The following NRXN1 variants were observed in gnomAD, a reference collection of about 807,000 sequenced individuals.
NRXN1 encodes the protein neurexin 1, also known as neurexin-1.
In NRXN1, 39 loss-of-function variants were observed where a neutral mutation model predicts 150.9. The observed-to-expected ratio is 0.26, with a 90% CI of 0.20 to 0.34. The LOEUF is 0.34. Ranked by LOEUF, NRXN1 falls within the 10% of genes least tolerant of loss-of-function variation. The probability of loss-of-function intolerance (pLI) is 1.00; values close to 1 mark genes in which losing one functional copy is unlikely to be tolerated. For missense variants in NRXN1, 1,815 were observed against 1,949.9 expected, an observed-to-expected ratio of 0.93 and a Z score of 1.30; for synonymous variants, 924 against 757.0, an observed-to-expected ratio of 1.22 and a Z score of -3.62.
intron 8 of NRXN1, among the ~76,000 whole-genome samples, chr2:50,606,380 A>C (rs551638756): frequency 1.8e-3 from 275 of 152,068 alleles, no homozygotes; most frequent in Admixed American, 3.1e-3. Context: ...CTTACAAGAA[A>C]TATCTAAAAC....
chr2:50,422,155 T>C (rs1001536562), intron 17 of NRXN1, among the ~76,000 whole-genome samples: 3 of 152,190 alleles, frequency 2.0e-5, no homozygotes, highest in African/African-American at 7.2e-5. Flanking sequence ...TAATTTCTAA[T>C]ACAATGCATT....
chr2:50,087,177 A>G (rs1698908237), intron 19 of NRXN1, among the ~76,000 whole-genome samples: 1 of 152,176 alleles, frequency 6.6e-6, no homozygotes, highest in African/African-American at 2.4e-5. Context: ...GCCAAATATG[A>G]TATGATAACT....
At chr2:50,529,067 T>C (rs2093032594) in intron 11 of NRXN1, 1 of 157,614 alleles carries the variant, frequency 6.3e-6, no homozygotes, top group Non-Finnish European at 1.4e-5. Flanking sequence ...CTCCGAAATC[T>C]AATATCCCAC....
intron 5 of NRXN1, among the ~76,000 whole-genome samples, chr2:50,673,881 G>A (rs918757306): frequency 1.3e-5 from 2 of 151,988 alleles, no homozygotes; most frequent in African/African-American, 2.4e-5. Flanking sequence ...ATGACTTCAT[G>A]TCCTTTGCAG....
At chr2:50,994,245 A>T (rs965615600) in intron 2 of NRXN1, among the ~76,000 whole-genome samples, 6 of 151,854 alleles carry the variant, frequency 4.0e-5, no homozygotes, top group African/African-American at 1.5e-4. Context: ...TTAATAAACA[A>T]TCTCACACAC....
intron 21 of NRXN1, among the ~76,000 whole-genome samples, chr2:50,026,389 A>AT (rs1688280094): frequency 6.6e-6 from 1 of 152,078 alleles, no homozygotes; most frequent in Non-Finnish European, 1.5e-5. Context: ...AATATGTTCT[A>AT]TTTTTCAACA....
At chr2:50,216,045 G>A (rs2063374013) in intron 18 of NRXN1, among the ~76,000 whole-genome samples, 1 of 151,926 alleles carries the variant, frequency 6.6e-6, no homozygotes, top group South Asian at 2.1e-4. Context: ...AAAAGATGGT[G>A]TCAGAAAAGT....
intron 10 of NRXN1, among the ~76,000 whole-genome samples, chr2:50,532,669 T>A (rs373849234): frequency 3.0e-4 from 45 of 152,170 alleles, no homozygotes; most frequent in African/African-American, 1.1e-3. Context: ...GGGGTGGGAC[T>A]GGGGAGCTTG....
At chr2:51,003,640 A>G (rs770225499) in intron 2 of NRXN1, among the ~76,000 whole-genome samples, 2 of 151,980 alleles carry the variant, frequency 1.3e-5, no homozygotes, top group Non-Finnish European at 2.9e-5. Flanking sequence ...GATGCACTAC[A>G]TGTATGTAGC....
At chr2:50,309,812 A>G (rs1210041601) in intron 17 of NRXN1, among the ~76,000 whole-genome samples, 1 of 152,116 alleles carries the variant, frequency 6.6e-6, no homozygotes, top group Non-Finnish European at 1.5e-5. Context: ...AGATCACACT[A>G]CAGAGATGTC....
At chr2:50,328,422 C>T (rs2076528034) in intron 17 of NRXN1, among the ~76,000 whole-genome samples, 1 of 152,042 alleles carries the variant, frequency 6.6e-6, no homozygotes, top group African/African-American at 2.4e-5. Flanking sequence ...CTTCTCCAGG[C>T]TGCAGCATTC....
At chr2:50,130,691 T>A (rs780452406) in intron 18 of NRXN1, among the ~76,000 whole-genome samples, 1 of 152,218 alleles carries the variant, frequency 6.6e-6, no homozygotes, top group Non-Finnish European at 1.5e-5. Flanking sequence ...AAACTCTAGA[T>A]TAAATAAAGT....
At chr2:50,090,000 C>T (rs1360773613) in intron 19 of NRXN1, among the ~76,000 whole-genome samples, 2 of 152,076 alleles carry the variant, frequency 1.3e-5, no homozygotes, top group African/African-American at 4.8e-5. Context: ...CCCAAGACAT[C>T]GATTCAGCAA....
At chr2:50,541,983 C>T (rs2093399687) in intron 9 of NRXN1, among the ~76,000 whole-genome samples, 1 of 152,074 alleles carries the variant, frequency 6.6e-6, no homozygotes, top group African/African-American at 2.4e-5. Flanking sequence ...GTAGAGTTCT[C>T]ATAGAAAGAA....
intron 2 of NRXN1, among the ~76,000 whole-genome samples, chr2:51,001,313 C>G (rs1226422103): frequency 6.6e-6 from 1 of 151,092 alleles, no homozygotes; most frequent in Non-Finnish European, 1.5e-5. Context: ...TTTTATTAAG[C>G]AAGAGTTCAA....
At chr2:50,683,108 A>G (rs1248143227) in intron 5 of NRXN1, among the ~76,000 whole-genome samples, 1 of 152,100 alleles carries the variant, frequency 6.6e-6, no homozygotes, top group Non-Finnish European at 1.5e-5. Flanking sequence ...GAAGGTCTCT[A>G]TCCTGCAATC....
intron 18 of NRXN1, among the ~76,000 whole-genome samples, chr2:50,202,342 T>C (rs556896733): frequency 2.3e-4 from 35 of 152,184 alleles, no homozygotes; most frequent in Middle Eastern, 3.4e-3. Flanking sequence ...CCGTCTCTAC[T>C]AAAAATACAA....
At chr2:50,916,760 A>G (rs1342297365) in intron 5 of NRXN1, 2 of 151,606 alleles carry the variant, frequency 1.3e-5, no homozygotes, top group Non-Finnish European at 3.0e-5. Context: ...CAATGTTATC[A>G]TTGTTTAAGG....
In NRXN1 at chr2:50,982,275, C is replaced by T. The variant is rs553373403; in HGVS notation, c.772+45227G>A. Among the ~76,000 whole-genome samples the T allele has an allele frequency of 2.0e-5, 3 of 152,204 alleles. No individual in the cohort carries two copies. In the South Asian group the frequency reaches 6.2e-4, roughly 32 times the overall value. On this transcript the variant is annotated intron_variant, in intron 2 of 22. Transcript: ENST00000401669. ...AGACTTTCTGAAGAACAAATCAAGACTATTTAGTACCAGATATAAATTATT... is the reference window on the plus strand; with the variant it reads ...AGACTTTCTGAAGAACAAATCAAGATTATTTAGTACCAGATATAAATTATT...
Sources: allele counts gnomAD v4.1 joint callset (sites outside exome capture counted in the v4.1 genomes callset), GRCh38; gene constraint gnomAD v4.1.1; transcripts MANE v1.5; gene names NCBI Gene and HGNC (gene_info 2026-07-23, HGNC 2026-07-21).